ACOX3: variants seen among roughly 807,000 people sequenced by gnomAD.
ACOX3 encodes the protein acyl-CoA oxidase 3, pristanoyl.
A neutral mutation model predicts 81.5 loss-of-function variants in ACOX3; 73 were observed. That is an observed-to-expected ratio of 0.90 (90% CI 0.74 to 1.09). ACOX3 has a LOEUF of 1.09. Among genes scored for constraint, ACOX3 ranks in the 50% least tolerant of loss-of-function variants. ACOX3 has a pLI of 0.00. For missense variants in ACOX3, 947 were observed against 928.0 expected, an observed-to-expected ratio of 1.02 and a Z score of -0.27; for synonymous variants, 387 against 375.1, an observed-to-expected ratio of 1.03 and a Z score of -0.37.
chr4:8,374,490 G>A (rs1040693818), intron 15 of ACOX3: 17 of 154,222 alleles, frequency 1.1e-4, no homozygotes, highest in Non-Finnish European at 2.0e-4. Flanking sequence ...CCAGCCATTG[G>A]GAAAAACCAC....
intron 17 of ACOX3, among the ~76,000 whole-genome samples, chr4:8,369,149 G>A (rs1474650881): frequency 6.6e-6 from 1 of 152,192 alleles, no homozygotes; most frequent in South Asian, 2.1e-4. Flanking sequence ...AGGCACAGCA[G>A]GTAGACGCTC....
At chr4:8,361,161 C>T in the ACOX3 span, among the ~76,000 whole-genome samples, 7 of 152,034 alleles carry the variant, frequency 4.6e-5, no homozygotes, top group African/African-American at 1.4e-4. Context: ...CGGTGGCTCA[C>T]GCCCGTAATC....
intron 1 of ACOX3, among the ~76,000 whole-genome samples, chr4:8,435,396 T>G (rs1724171921): frequency 6.6e-6 from 1 of 152,018 alleles, no homozygotes; most frequent in Non-Finnish European, 1.5e-5. Context: ...CTCAAGAGGC[T>G]GAGGCAGGAG....
At chr4:8,377,487 A>G (rs964614080) in intron 14 of ACOX3, among the ~76,000 whole-genome samples, 2 of 148,676 alleles carry the variant, frequency 1.3e-5, no homozygotes, top group Non-Finnish European at 3.0e-5. Flanking sequence ...CGTGAGCAAA[A>G]GGCGTCATGG....
rs1439099538 is a variant in ACOX3, at chr4:8,381,314, C to T, written c.1653+178G>A. 6.6e-6 allele frequency among the ~76,000 whole-genome samples: 1 copy of T among 152,198 alleles called. No individual in the cohort carries two copies. The highest frequency in any genetic ancestry group is 1.5e-5 in the Non-Finnish European group (1 of 68,038). ...CCCAGCCCAGCAAGACAGGTGCTGCCATCCCTGTGTTACAGAGGAGCTGAG... is the reference window on the plus strand; with the variant it reads ...CCCAGCCCAGCAAGACAGGTGCTGCTATCCCTGTGTTACAGAGGAGCTGAG... On this transcript the variant is annotated intron_variant, in intron 14 of 17. Transcript: ENST00000356406. This position sits in a 1 kb window ranked among gnomAD's most constrained non-coding sequence, Gnocchi z 4.3.
In ACOX3 at chr4:8,389,667, G is replaced by A. The variant is rs1194606374; in HGVS notation, c.1368C>T (p.Ile456=). ...PNCTYEGDNN[I]LLQQTSNYLL... ...AATAGTTGCTTGTCTGCTGCAGCAGGATGTTGTTGTCACCTTCGTATGTGC... is the reference window on the plus strand; with the variant it reads ...AATAGTTGCTTGTCTGCTGCAGCAGAATGTTGTTGTCACCTTCGTATGTGC... Residue 456 remains isoleucine, a synonymous_variant, in exon 12 of 18, where the codon ATC becomes ATT. Coordinates refer to ENST00000356406, the MANE Select transcript of ACOX3 (RefSeq NM_003501.3). The surrounding 1 kb of genome is among the most constrained non-coding windows in gnomAD (Gnocchi z 5.3). 6.2e-7 allele frequency: 1 copy of A among 1,614,064 alleles called. No homozygotes were observed. The highest frequency in any genetic ancestry group is 1.1e-5 in the South Asian group (1 of 91,086).
chr4:8,430,574 G>A lies in ACOX3; in HGVS notation c.-15+10074C>T, dbSNP rs1038823812. Among the ~76,000 whole-genome samples, 90 of 152,240 alleles carry A rather than the reference G, an allele frequency of 5.9e-4. No homozygotes were observed. The highest frequency in any genetic ancestry group is 1.9e-3 in the African/African-American group (77 of 41,530). ...TACTGACATTAGAAAAACATCTTTC[G>A]GCTGGGTGTGGTGGCTCACACCTAT... On this transcript the variant is annotated intron_variant, in intron 1 of 17. Coordinates refer to ENST00000356406, the MANE Select transcript of ACOX3 (RefSeq NM_003501.3). The surrounding 1 kb of genome is among the most constrained non-coding windows in gnomAD (Gnocchi z 5.2).
At chr4:8,410,795 C>T (rs116501470) in intron 5 of ACOX3, among the ~76,000 whole-genome samples, 1,761 of 152,298 alleles carry the variant, frequency 0.012, 35 homozygotes, top group African/African-American at 0.04. Flanking sequence ...ACTGCTGCCC[C>T]CTTGCTGTCT....
intron 10 of ACOX3, 135 bp from the exon 11 acceptor site, chr4:8,392,588 A>T: frequency 9.8e-7 from 1 of 1,023,602 alleles, no homozygotes; most frequent in Non-Finnish European, 1.3e-6. Context: ...ACAGAAGAGG[A>T]AACCTAATTG....
chr4:8,365,858 C>T (rs145506114), downstream of ACOX3, among the ~76,000 whole-genome samples: 93 of 152,256 alleles, frequency 6.1e-4, 1 homozygote, highest in African/African-American at 2.1e-3. Flanking sequence ...GCCCTTCAGA[C>T]GCTCAAAAGT....
rs144779879 is a variant in ACOX3 at position 8,400,329 on chromosome 4, C to T, written c.777-677G>A. Among the ~76,000 whole-genome samples the T allele has an allele frequency of 9.6e-3, 1,453 of 152,014 alleles. 9 individuals are homozygous for T. Among genetic ancestry groups the T allele is most frequent in the Non-Finnish European group, 0.015 (1,039 of 67,978 alleles). On this transcript the variant is annotated intron_variant, in intron 7 of 17. Transcript: ENST00000356406. The surrounding 1 kb of genome is among the most constrained non-coding windows in gnomAD (Gnocchi z 4.4). ...AAGTTGTACTCCAAGTACAGAACTC[C>T]AGATATTCAACAGAAAAGACGGGAA...
At chr4:8,429,794 G>GT (rs1292573488) in intron 1 of ACOX3, among the ~76,000 whole-genome samples, 2 of 152,146 alleles carry the variant, frequency 1.3e-5, no homozygotes, top group Admixed American at 1.3e-4. Context: ...AGAGCCAGGC[G>GT]TTGTGCGCCA....
intron 5 of ACOX3, among the ~76,000 whole-genome samples, chr4:8,412,001 AG>A (rs914634584): frequency 9.8e-5 from 15 of 152,288 alleles, no homozygotes; most frequent in African/African-American, 3.4e-4. Flanking sequence ...AAAAAGAAGG[AG>A]GTGGAAATGG....
the ACOX3 span, among the ~76,000 whole-genome samples, chr4:8,361,152 G>C: frequency 6.6e-6 from 1 of 152,054 alleles, no homozygotes; most frequent in South Asian, 2.1e-4. Context: ...GGCCGGGCGC[G>C]GTGGCTCACG....
Position 8,370,843 on chromosome 4 carries a change from C to G in ACOX3, c.1983+65G>C. ...CCAGACCCCTGACCCACAGGAGCAT[C>G]TCAGCTCCGCAGAAATGCCCATCAA... On this transcript the variant is annotated intron_variant, in intron 17 of 17. Transcript: ENST00000356406. This position sits in a 1 kb window ranked among gnomAD's most constrained non-coding sequence, Gnocchi z 6.3. 3 of 1,460,628 alleles carry G rather than the reference C, an allele frequency of 2.1e-6. No homozygotes were observed. The highest frequency in any genetic ancestry group is 2.9e-6 in the Non-Finnish European group (3 of 1,046,306). 90.5% of individuals were successfully genotyped at this position (1,460,628 alleles called of 1,614,324 possible). A position where few individuals can be genotyped will look rare whatever the true frequency, so the allele number is the denominator to read the frequency against.
intron 8 of ACOX3, among the ~76,000 whole-genome samples, chr4:8,397,802 G>T (rs1223779860): frequency 2.6e-5 from 4 of 152,200 alleles, no homozygotes; most frequent in African/African-American, 9.6e-5. Flanking sequence ...AAGGCAGCAT[G>T]GTAATTGTGT....
Position 8,416,266 on chromosome 4 carries a change from G to A in ACOX3, c.144+112C>T. On this transcript the variant is annotated intron_variant, in intron 2 of 17. Coordinates refer to ENST00000356406, the MANE Select transcript of ACOX3 (RefSeq NM_003501.3). This position sits in a 1 kb window ranked among gnomAD's most constrained non-coding sequence, Gnocchi z 4.2. ...AGAGGAGAGAGGCCGCGCTGCCTGG[G>A]ATGAGCCTCGCCCGGCAGAGGAGGA... 2.5e-6 allele frequency: 4 copies of A among 1,571,798 alleles called. No homozygotes were observed. The highest frequency in any genetic ancestry group is 1.1e-5 in the South Asian group (1 of 88,976).
At chr4:8,378,173 A>G (rs1560170229) in intron 14 of ACOX3, among the ~76,000 whole-genome samples, 1 of 152,186 alleles carries the variant, frequency 6.6e-6, no homozygotes, top group East Asian at 1.9e-4. Context: ...GAGGCAATGC[A>G]TACTTCAGGC....
At chr4:8,379,362 C>T (rs776988963) in intron 14 of ACOX3, among the ~76,000 whole-genome samples, 19 of 152,168 alleles carry the variant, frequency 1.2e-4, no homozygotes, top group African/African-American at 2.7e-4. Context: ...CTCCGCGACC[C>T]GGGGCAGGTC....
Sources: allele counts gnomAD v4.1 joint callset (sites outside exome capture counted in the v4.1 genomes callset), GRCh38; gene constraint gnomAD v4.1.1; non-coding constraint Gnocchi (gnomAD v3.1); transcripts MANE v1.5; gene names NCBI Gene and HGNC (gene_info 2026-07-23, HGNC 2026-07-21).